TMEM17: variants seen among roughly 807,000 people sequenced by gnomAD.
The protein encoded by TMEM17 is transmembrane protein 17.
TMEM17 carries 15 observed loss-of-function variants against 19.1 expected under a neutral mutation model. The observed-to-expected ratio is 0.78, with a 90% CI of 0.52 to 1.21. TMEM17 has a LOEUF of 1.21. TMEM17 is among the 50% of genes most tolerant of loss of function. The pLI, the probability that TMEM17 is intolerant of heterozygous loss-of-function variation, is 0.00. For synonymous variants in TMEM17, 103 were observed against 86.9 expected, an observed-to-expected ratio of 1.19 and a Z score of -1.03; for missense variants, 245 against 242.3, an observed-to-expected ratio of 1.01 and a Z score of -0.07.
the TMEM17 span, among the ~76,000 whole-genome samples, chr2:62,477,052 G>C: frequency 6.6e-6 from 1 of 152,108 alleles, no homozygotes; most frequent in Non-Finnish European, 1.5e-5. Context: ...GTCAACATAC[G>C]GTGTGTTATT....
In TMEM17 at chr2:62,501,292, G is replaced by A. The variant is rs755900951; in HGVS notation, c.514C>T (p.Arg172Cys). 5.6e-6 allele frequency: 9 copies of A among 1,614,034 alleles called. No individual in the cohort carries two copies. The highest frequency in any genetic ancestry group is 1.3e-5 in the African/African-American group (1 of 74,922). ...CGGTCAAAGTCTTGGAGGTGGAAAC[G>A]AACTGCCAACTGATTAACCATTTTC... ...LRKMVNQLAV[R>C]FHLQDFDRLS... is the part of the protein sequence containing the mutation. Residue 172 changes from arginine (R) to cysteine (C), a missense_variant, in exon 4 of 4, where the codon CGT (arginine) becomes TGT (cysteine). Physicochemically the swap from Arg to Cys is radical, Grantham distance 180. Coordinates refer to ENST00000335390, the MANE Select transcript of TMEM17 (RefSeq NM_198276.3).
the TMEM17 span, among the ~76,000 whole-genome samples, chr2:62,473,087 C>G: frequency 1.3e-5 from 2 of 152,120 alleles, no homozygotes; most frequent in Admixed American, 1.3e-4. Context: ...GGCTTCTCAC[C>G]TAGAGATGAT....
At chr2:62,464,349 C>T in the TMEM17 span, among the ~76,000 whole-genome samples, 75 of 152,342 alleles carry the variant, frequency 4.9e-4, no homozygotes, top group African/African-American at 1.7e-3. Flanking sequence ...CCAAAGCAGC[C>T]GGCAGTTCCA....
the TMEM17 span, among the ~76,000 whole-genome samples, chr2:62,467,883 CTT>C: frequency 1.2e-3 from 162 of 135,048 alleles, 3 homozygotes; most frequent in Non-Finnish European, 1.6e-3. Flanking sequence ...GCCATCTCTC[CTT>C]TTTTTTTTTT....
the TMEM17 span, among the ~76,000 whole-genome samples, chr2:62,490,563 C>A: frequency 6.6e-6 from 1 of 152,034 alleles, no homozygotes; most frequent in Non-Finnish European, 1.5e-5. Flanking sequence ...AGTCTGATAT[C>A]TTTTAAAACC....
In TMEM17 at chr2:62,501,251, T is replaced by G; in HGVS notation, c.555A>C (p.Arg185Ser). 1.2e-6 allele frequency: 2 copies of G among 1,614,212 alleles called. No homozygotes were observed. The highest frequency in any genetic ancestry group is 8.5e-7 in the Non-Finnish European group (1 of 1,180,036). ...LQDFDRLSAN[R>S]GDMRRMRSCI... is the part of the protein sequence containing the mutation. ...ATGACCTCATCCTTCTCATGTCTCCTCTGTTTGCAGAGAGCCGGTCAAAGT... is the reference window on the plus strand; with the variant it reads ...ATGACCTCATCCTTCTCATGTCTCCGCTGTTTGCAGAGAGCCGGTCAAAGT... Residue 185 changes from arginine to serine, a missense_variant, in exon 4 of 4, where the codon AGA becomes AGC. Physicochemically the swap from Arg to Ser is moderately radical, Grantham distance 110 (BLOSUM62 -1). Transcript: ENST00000335390.
chr2:62,455,927 G>A, the TMEM17 span, among the ~76,000 whole-genome samples: 2 of 152,274 alleles, frequency 1.3e-5, no homozygotes, highest in East Asian at 1.9e-4. Context: ...TCTCATTGTG[G>A]TTTTAATTTT....
downstream of TMEM17, among the ~76,000 whole-genome samples, chr2:62,496,282 C>T (rs1679775991): frequency 5.9e-5 from 9 of 152,156 alleles, no homozygotes; most frequent in South Asian, 1.9e-3. Flanking sequence ...ACTCTAGGAC[C>T]CAGCAATTTC....
At chr2:62,480,316 C>T in the TMEM17 span, among the ~76,000 whole-genome samples, 2 of 151,738 alleles carry the variant, frequency 1.3e-5, no homozygotes, top group African/African-American at 2.4e-5. Context: ...CTGGATATTA[C>T]TTCTCCTCCA....
downstream of TMEM17, among the ~76,000 whole-genome samples, chr2:62,499,345 A>T (rs1679860005): frequency 6.6e-6 from 1 of 152,190 alleles, no homozygotes; most frequent in Non-Finnish European, 1.5e-5. Context: ...TGCTTTGTAG[A>T]TTTAATTTTA....
At chr2:62,461,382 C>T in the TMEM17 span, among the ~76,000 whole-genome samples, 8 of 152,162 alleles carry the variant, frequency 5.3e-5, no homozygotes, top group East Asian at 9.7e-4. Flanking sequence ...TCAGTCCCCC[C>T]AGTCTTGACT....
At chr2:62,489,152 G>A in the TMEM17 span, among the ~76,000 whole-genome samples, 3 of 152,192 alleles carry the variant, frequency 2.0e-5, no homozygotes, top group Non-Finnish European at 2.9e-5. Context: ...CTGAGGATGA[G>A]TGATGACTTT....
the TMEM17 span, among the ~76,000 whole-genome samples, chr2:62,477,286 A>C: frequency 2.0e-5 from 3 of 152,216 alleles, no homozygotes; most frequent in African/African-American, 7.2e-5. Context: ...AATCCCAGCT[A>C]CTTGAGAGGC....
At chr2:62,464,264 C>T in the TMEM17 span, among the ~76,000 whole-genome samples, 20 of 152,338 alleles carry the variant, frequency 1.3e-4, no homozygotes, top group Admixed American at 2.6e-4. Flanking sequence ...TAAAAGAGCA[C>T]TGTAACACGC....
chr2:62,501,402 G>T lies in TMEM17; in HGVS notation c.404C>A (p.Thr135Lys), dbSNP rs145977369. Residue 135 changes from threonine (T) to lysine (K), a missense_variant, in exon 4 of 4, where the codon ACA becomes AAA. By Grantham distance (78) the Thr-to-Lys change is moderately conservative. Transcript: ENST00000335390. ...ILFLLFNEGL[T>K]NLPLEKAIHI... ...TATCGCTTTTTCCAAGGGCAGATTT[G>T]TTAGGCCTTCATTAAAGAGCAAGAA... is the stretch of plus-strand genomic sequence containing the variant. The T allele has an allele frequency of 1.6e-5, 26 of 1,614,074 alleles. No individual in the cohort carries two copies. Among genetic ancestry groups the T allele is most frequent in the Non-Finnish European group, 2.2e-5 (26 of 1,180,038 alleles).
At chr2:62,493,381 G>C in the TMEM17 span, among the ~76,000 whole-genome samples, 1 of 152,088 alleles carries the variant, frequency 6.6e-6, no homozygotes. Flanking sequence ...GATCAGATTT[G>C]GTTTTAGATT....
At chr2:62,493,029 T>C in the TMEM17 span, among the ~76,000 whole-genome samples, 1 of 151,780 alleles carries the variant, frequency 6.6e-6, no homozygotes, top group Non-Finnish European at 1.5e-5. Flanking sequence ...AGTCCTTCGT[T>C]TGTTTGTTTG....
At chr2:62,478,117 C>G in the TMEM17 span, among the ~76,000 whole-genome samples, 1 of 152,178 alleles carries the variant, frequency 6.6e-6, no homozygotes, top group Non-Finnish European at 1.5e-5. Flanking sequence ...ATAAATGACT[C>G]TAGTGGTAGC....
At position 62,506,179 on chromosome 2, in the gene TMEM17, G is replaced by C; in HGVS notation, c.-50C>G. Reference sequence around the variant, plus strand: ...CCCTCAGACACGGGCTAGTCTGCGGGCGCTCCGAGGCTCCGTGGTTCCCAC... The same window carrying C: ...CCCTCAGACACGGGCTAGTCTGCGGCCGCTCCGAGGCTCCGTGGTTCCCAC... On this transcript the variant is annotated 5_prime_UTR_variant, in exon 1 of 4. Coordinates refer to ENST00000335390, the MANE Select transcript of TMEM17 (RefSeq NM_198276.3). 1 of 1,492,618 alleles carries C rather than the reference G, an allele frequency of 6.7e-7. No individual in the cohort carries two copies. The highest frequency in any genetic ancestry group is 9.0e-7 in the Non-Finnish European group (1 of 1,112,432). 92.5% of individuals were successfully genotyped at this position (1,492,618 alleles called of 1,614,324 possible). A position where few individuals can be genotyped will look rare whatever the true frequency, so the allele number is the denominator to read the frequency against.
Sources: allele counts gnomAD v4.1 joint callset (sites outside exome capture counted in the v4.1 genomes callset), GRCh38; gene constraint gnomAD v4.1.1; transcripts MANE v1.5; gene names NCBI Gene and HGNC (gene_info 2026-07-23, HGNC 2026-07-21).